ZDHHC17: variants seen among roughly 807,000 people sequenced by gnomAD.
ZDHHC17 encodes the protein palmitoyltransferase ZDHHC17.
Under a neutral mutation model 90.3 loss-of-function variants are expected in ZDHHC17, and 40 were observed. That is an observed-to-expected ratio of 0.44 (90% CI 0.34 to 0.58). The LOEUF is 0.58. Ranked by LOEUF, ZDHHC17 falls within the 20% of genes least tolerant of loss-of-function variation. The pLI is 0.01. For missense variants in ZDHHC17, 614 were observed against 780.8 expected, an observed-to-expected ratio of 0.79 and a Z score of 2.55; for synonymous variants, 235 against 252.4, an observed-to-expected ratio of 0.93 and a Z score of 0.65.
At chr12:76,848,435 TC>T in intron 15 of ZDHHC17, 45 bp downstream of exon 15, 2 of 1,583,952 alleles carry the variant, frequency 1.3e-6, no homozygotes, top group Non-Finnish European at 1.7e-6. Flanking sequence ...TGAAAACTCT[TC>T]CATCCTTGCA....
At position 76,809,787 on chromosome 12, in the gene ZDHHC17, G is replaced by A; in HGVS notation, c.473G>A (p.Cys158Tyr). 1.2e-6 allele frequency: 2 copies of A among 1,608,530 alleles called. No individual in the cohort carries two copies. Among genetic ancestry groups the A allele is most frequent in the African/African-American group, 1.3e-5 (1 of 74,736 alleles). ...CCTTCATTAATTGATGGAGAAGGAT[G>A]TAGCTGTATTCATCTGGCTGCTCAG... ...ADPSLIDGEG[C>Y]SCIHLAAQFG... is the part of the protein sequence containing the mutation. The change falls in exon 5 of 17, where the codon TGT becomes TAT. Residue 158 changes from cysteine to tyrosine, a missense_variant. Physicochemically the swap from Cys to Tyr is radical, Grantham distance 194. Around this residue, in one of 5 missense-constraint regions of ZDHHC17, gnomAD observed 358 missense variants for 380.4 expected, o/e 0.94. Coordinates refer to ENST00000426126, the MANE Select transcript of ZDHHC17 (RefSeq NM_015336.4).
intron 7 of ZDHHC17, among the ~76,000 whole-genome samples, chr12:76,817,416 TA>T (rs781424380): frequency 1.4e-4 from 22 of 152,014 alleles, no homozygotes; most frequent in Admixed American, 1.0e-3. Context: ...TAAAGATACT[TA>T]GTATTATTGA....
rs763269507 is a variant in ZDHHC17 at position 76,788,688 on chromosome 12, A to ATTTTTTTTTTTTTTTT, written c.94-8735_94-8720dup. ...AAAATATATTTAAGTTGGAATCGCAATTTTTTTTTTTTTTTTTTTTTTTTT... is the reference window on the plus strand; with the variant it reads ...AAAATATATTTAAGTTGGAATCGCAATTTTTTTTTTTTTTTTTTTTTTTTTTTTTTTTTTTTTTTTT... On this transcript the variant is annotated intron_variant, in intron 1 of 16. Coordinates refer to ENST00000426126, the MANE Select transcript of ZDHHC17 (RefSeq NM_015336.4). Among the ~76,000 whole-genome samples the ATTTTTTTTTTTTTTTT allele has an allele frequency of 2.1e-3, 208 of 98,662 alleles. 3 individuals are homozygous for ATTTTTTTTTTTTTTTT. The highest frequency in any genetic ancestry group is 4.5e-3 in the South Asian group (13 of 2,906). The allele number at this position is 98,662 out of a possible 152,430, so 64.7% of individuals were successfully genotyped here. A position where few individuals can be genotyped will look rare whatever the true frequency, so the allele number is the denominator to read the frequency against.
At chr12:76,773,653 C>T (rs893732552) in intron 1 of ZDHHC17, among the ~76,000 whole-genome samples, 2 of 152,206 alleles carry the variant, frequency 1.3e-5, no homozygotes, top group Non-Finnish European at 2.9e-5. Context: ...AACCTAAACT[C>T]TGACTCCCAA....
chr12:76,809,690 G>T, intron 4 of ZDHHC17, 23 bp from the exon 5 acceptor site: 1 of 1,416,482 alleles, frequency 7.1e-7, no homozygotes, highest in Non-Finnish European at 9.2e-7. Context: ...ATATATCTAA[G>T]TGTTTATTCT....
intron 1 of ZDHHC17, among the ~76,000 whole-genome samples, chr12:76,793,279 G>C (rs1252084941): frequency 6.6e-6 from 1 of 152,198 alleles, no homozygotes; most frequent in Non-Finnish European, 1.5e-5. Flanking sequence ...CCAGCACTTT[G>C]GGAGGCCGAA....
chr12:76,822,379 A>G, intron 7 of ZDHHC17, 27 bp from the exon 8 acceptor site: 1 of 1,606,978 alleles, frequency 6.2e-7, no homozygotes, highest in Non-Finnish European at 8.5e-7. Context: ...AACTTTTAAT[A>G]GGAATTTCTT....
intron 7 of ZDHHC17, 71 bp from the exon 8 acceptor site, chr12:76,822,335 G>T: frequency 6.4e-7 from 1 of 1,554,276 alleles, no homozygotes; most frequent in Non-Finnish European, 8.8e-7. Flanking sequence ...TTTTATAGAA[G>T]TTCTTTAAAG....
intron 14 of ZDHHC17, among the ~76,000 whole-genome samples, chr12:76,846,977 G>T (rs1249807557): frequency 6.6e-6 from 1 of 152,180 alleles, no homozygotes; most frequent in East Asian, 1.9e-4. Flanking sequence ...TCCACATCAT[G>T]TGCTTGCTTT....
chr12:76,821,008 G>A (rs2306142), intron 7 of ZDHHC17: 996,956 of 1,086,248 alleles, frequency 0.92, 457,736 homozygotes, highest in South Asian at 0.95. Flanking sequence ...TTAGATGACT[G>A]GAGGAGTAGT....
Position 76,826,997 on chromosome 12 carries a change from C to G in ZDHHC17, c.987C>G (p.Leu329=). The G allele has an allele frequency of 6.4e-7, 1 of 1,562,822 alleles. No individual in the cohort carries two copies. The highest frequency in any genetic ancestry group is 8.6e-7 in the Non-Finnish European group (1 of 1,162,736). ...CAGACCTAAATATTGATTCTTGGCT[C>G]ATTAAAGGGCTAATGTATGGTGGTG... ...FIADLNIDSW[L]IKGLMYGGVW... Residue 329 remains leucine (L), a synonymous_variant, in exon 9 of 17, where the codon CTC becomes CTG. Coordinates refer to ENST00000426126, the MANE Select transcript of ZDHHC17 (RefSeq NM_015336.4).
At chr12:76,787,207 T>C (rs1035982538) in intron 1 of ZDHHC17, among the ~76,000 whole-genome samples, 1 of 150,900 alleles carries the variant, frequency 6.6e-6, no homozygotes, top group Non-Finnish European at 1.5e-5. Flanking sequence ...TGGCCTGTGG[T>C]AGAGAAGGGA....
intron 1 of ZDHHC17, among the ~76,000 whole-genome samples, chr12:76,787,612 C>T (rs1952703668): frequency 9.5e-6 from 1 of 104,822 alleles, no homozygotes; most frequent in African/African-American, 3.4e-5. Context: ...CACACTCTGT[C>T]TCTCCCTCTC....
At chr12:76,817,725 A>G (rs1013204753) in intron 7 of ZDHHC17, among the ~76,000 whole-genome samples, 3 of 152,124 alleles carry the variant, frequency 2.0e-5, no homozygotes, top group African/African-American at 7.2e-5. Context: ...GCCATTGCGT[A>G]AACTTTTAAA....
chr12:76,829,694 GT>G, intron 10 of ZDHHC17, among the ~76,000 whole-genome samples: 1 of 151,984 alleles, frequency 6.6e-6, no homozygotes. Flanking sequence ...TTTTGTTGTG[GT>G]AAATAAGAGT....
chr12:76,792,499 A>G (rs1431090618), intron 1 of ZDHHC17, among the ~76,000 whole-genome samples: 1 of 152,150 alleles, frequency 6.6e-6, no homozygotes, highest in Non-Finnish European at 1.5e-5. Context: ...GAGTCTTGTC[A>G]TGTTGATTTC....
Position 76,788,693 on chromosome 12 carries a change from T to A in ZDHHC17, c.94-8741T>A, listed in dbSNP as rs1474482070. Among the ~76,000 whole-genome samples the A allele has an allele frequency of 2.3e-4, 29 of 126,590 alleles. 3 individuals carry two copies. Among genetic ancestry groups the A allele is most frequent in the East Asian group, 7.4e-4 (3 of 4,032 alleles). The allele number at this position is 126,590 out of a possible 152,430, so 83.0% of individuals were successfully genotyped here. A position where few individuals can be genotyped will look rare whatever the true frequency, so the allele number is the denominator to read the frequency against. ...ATATTTAAGTTGGAATCGCAATTTT[T>A]TTTTTTTTTTTTTTTTTTTTTGAGC... On this transcript the variant is annotated intron_variant, in intron 1 of 16. Coordinates refer to ENST00000426126, the MANE Select transcript of ZDHHC17 (RefSeq NM_015336.4).
intron 10 of ZDHHC17, among the ~76,000 whole-genome samples, chr12:76,837,924 A>G (rs1445238551): frequency 6.6e-6 from 1 of 152,158 alleles, no homozygotes; most frequent in Admixed American, 6.5e-5. Flanking sequence ...AGTAGCTGGA[A>G]TTATAGGTGC....
At chr12:76,839,264 A>T (rs1741223133) in intron 10 of ZDHHC17, among the ~76,000 whole-genome samples, 1 of 152,224 alleles carries the variant, frequency 6.6e-6, no homozygotes, top group African/African-American at 2.4e-5. Flanking sequence ...AATGGGTGAG[A>T]ATTCACATCT....
Sources: allele counts gnomAD v4.1 joint callset (sites outside exome capture counted in the v4.1 genomes callset), GRCh38; gene constraint gnomAD v4.1.1; regional missense constraint gnomAD v4.1.1; transcripts MANE v1.5; gene names NCBI Gene and HGNC (gene_info 2026-07-23, HGNC 2026-07-21).